CTNND2: variants seen among roughly 807,000 people sequenced by gnomAD.
CTNND2 encodes catenin delta 2.
Under a neutral mutation model 144.4 loss-of-function variants are expected in CTNND2, and 22 were observed. The observed-to-expected ratio is 0.15, with a 90% CI of 0.11 to 0.22. CTNND2 has a LOEUF of 0.22. CTNND2 is among the 10% of genes least tolerant of loss of function. The pLI is 1.00. For synonymous variants in CTNND2, 751 were observed against 695.6 expected (o/e 1.08, Z -1.25); for missense variants, 1,353 against 1,618.8 (o/e 0.84, Z 2.82).
intron 9 of CTNND2, among the ~76,000 whole-genome samples, chr5:11,249,199 T>C (rs774432372): frequency 9.2e-5 from 14 of 152,148 alleles, no homozygotes; most frequent in Non-Finnish European, 1.5e-4. Flanking sequence ...ATAGGCCATG[T>C]GGTGTGGCAT....
chr5:11,464,528 G>C (rs759949616), intron 3 of CTNND2, among the ~76,000 whole-genome samples: 21 of 152,190 alleles, frequency 1.4e-4, no homozygotes, highest in Non-Finnish European at 1.9e-4. Flanking sequence ...GTCATTGTTA[G>C]AGCTTCCATA....
chr5:11,066,736 T>C (rs1747659902), intron 16 of CTNND2, among the ~76,000 whole-genome samples: 1 of 152,088 alleles, frequency 6.6e-6, no homozygotes, highest in African/African-American at 2.4e-5. Flanking sequence ...ACAGCGAGAC[T>C]CAGTGAGAGT....
intron 9 of CTNND2, among the ~76,000 whole-genome samples, chr5:11,274,951 A>G (rs138462544): frequency 1.7e-4 from 26 of 152,262 alleles, no homozygotes; most frequent in Admixed American, 3.3e-4. Context: ...TAAATCTGGG[A>G]CTTAACTGGT....
chr5:11,658,133 T>TAGTAAGC (rs1783010622), intron 2 of CTNND2, among the ~76,000 whole-genome samples: 1 of 152,188 alleles, frequency 6.6e-6, no homozygotes. Flanking sequence ...ATTCAAATTA[T>TAGTAAGC]AGTAAGCTTC....
intron 9 of CTNND2, among the ~76,000 whole-genome samples, chr5:11,271,082 C>A (rs1018986727): frequency 6.6e-6 from 1 of 152,120 alleles, no homozygotes; most frequent in Non-Finnish European, 1.5e-5. Flanking sequence ...TTCACATACA[C>A]CCAACACACA....
intron 3 of CTNND2, among the ~76,000 whole-genome samples, chr5:11,534,027 G>A (rs1171737728): frequency 1.3e-5 from 2 of 152,184 alleles, no homozygotes. Flanking sequence ...CTCATGCAAA[G>A]AGTTTGTACT....
chr5:11,649,572 C>T (rs1272033300), intron 2 of CTNND2, among the ~76,000 whole-genome samples: 1 of 152,168 alleles, frequency 6.6e-6, no homozygotes, highest in Non-Finnish European at 1.5e-5. Flanking sequence ...GCCTCAGCCT[C>T]CCAAAGTGCA....
chr5:11,662,364 G>T (rs978521439), intron 2 of CTNND2, among the ~76,000 whole-genome samples: 2 of 151,268 alleles, frequency 1.3e-5, no homozygotes, highest in Non-Finnish European at 2.9e-5. Flanking sequence ...ACAATAGGCC[G>T]TCTGCAAGCT....
At chr5:11,051,571 G>A (rs566805176) in intron 16 of CTNND2, among the ~76,000 whole-genome samples, 5 of 152,360 alleles carry the variant, frequency 3.3e-5, no homozygotes, top group African/African-American at 1.2e-4. Context: ...AAAGAAGTAT[G>A]TAAGATATGA....
intron 1 of CTNND2, among the ~76,000 whole-genome samples, chr5:11,816,512 G>A (rs1408035418): frequency 2.0e-5 from 3 of 150,402 alleles, no homozygotes; most frequent in Non-Finnish European, 4.4e-5. Flanking sequence ...TGGGGTGCCT[G>A]TGGTTGGCTG....
intron 19 of CTNND2, among the ~76,000 whole-genome samples, chr5:10,991,853 C>A (rs1738713203): frequency 6.6e-6 from 1 of 152,234 alleles, no homozygotes; most frequent in Non-Finnish European, 1.5e-5. Context: ...GAAGAAAGCA[C>A]ATTTGGTCTC....
At chr5:11,494,807 T>C (rs943804187) in intron 3 of CTNND2, among the ~76,000 whole-genome samples, 3 of 152,190 alleles carry the variant, frequency 2.0e-5, no homozygotes, top group Admixed American at 1.3e-4. Flanking sequence ...ATTAATGCTA[T>C]GCCTCTGATA....
At chr5:11,603,515 A>G (rs1008615470) in intron 2 of CTNND2, among the ~76,000 whole-genome samples, 72 of 152,262 alleles carry the variant, frequency 4.7e-4, no homozygotes, top group African/African-American at 1.7e-3. Context: ...TCCTGCTTTG[A>G]CAGTGAAATA....
chr5:11,594,657 T>C (rs1296017317), intron 2 of CTNND2, among the ~76,000 whole-genome samples: 1 of 152,138 alleles, frequency 6.6e-6, no homozygotes, highest in Non-Finnish European at 1.5e-5. Context: ...TTTGGACAAA[T>C]AATCCAATCT....
intron 11 of CTNND2, among the ~76,000 whole-genome samples, chr5:11,165,832 T>A (rs1029371540): frequency 7.9e-5 from 12 of 152,148 alleles, no homozygotes; most frequent in African/African-American, 2.9e-4. Context: ...TAATACAGGG[T>A]AATTGTAGTT....
intron 1 of CTNND2, among the ~76,000 whole-genome samples, chr5:11,757,067 C>A (rs918749500): frequency 6.6e-6 from 1 of 151,586 alleles, no homozygotes; most frequent in Non-Finnish European, 1.5e-5. Context: ...AGACAAATTT[C>A]TGAGCAGTCA....
intron 16 of CTNND2, among the ~76,000 whole-genome samples, chr5:11,071,761 T>C (rs1395126770): frequency 1.3e-5 from 2 of 152,034 alleles, no homozygotes; most frequent in Non-Finnish European, 2.9e-5. Context: ...CCTGGGCTTG[T>C]CATGCTATGG....
At chr5:11,004,003 T>A (rs58712849) in intron 18 of CTNND2, among the ~76,000 whole-genome samples, 2 of 152,214 alleles carry the variant, frequency 1.3e-5, no homozygotes, top group African/African-American at 4.8e-5. Context: ...GCTACTGGGC[T>A]AATTCTAAAG....
At chr5:11,539,065 C>T (rs1423514992) in intron 3 of CTNND2, among the ~76,000 whole-genome samples, 1 of 152,130 alleles carries the variant, frequency 6.6e-6, no homozygotes, top group Non-Finnish European at 1.5e-5. Context: ...GGTGTACACT[C>T]ACAAGTGTAC....
Sources: allele counts gnomAD v4.1 joint callset (sites outside exome capture counted in the v4.1 genomes callset), GRCh38; gene constraint gnomAD v4.1.1; transcripts MANE v1.5; gene names NCBI Gene and HGNC (gene_info 2026-07-23, HGNC 2026-07-21).